DLG1: variants seen among roughly 807,000 people sequenced by gnomAD.
The protein encoded by DLG1 is disks large homolog 1.
DLG1 carries 42 observed loss-of-function variants against 123.4 expected under a neutral mutation model. The ratio of observed to expected loss-of-function variants is 0.34; its 90% CI spans 0.27 to 0.44. The LOEUF (loss-of-function observed/expected upper bound fraction) is 0.44, where lower values mean the gene tolerates loss of function less well. DLG1 is among the 20% of genes least tolerant of loss of function. The pLI, the probability that DLG1 is intolerant of heterozygous loss-of-function variation, is 1.00. For synonymous variants in DLG1, 317 were observed against 356.2 expected (o/e 0.89, Z 1.24); for missense variants, 942 against 1,082.6 (o/e 0.87, Z 1.82).
intron 4 of DLG1, among the ~76,000 whole-genome samples, chr3:197,210,614 C>T (rs1730825371): frequency 7.0e-6 from 1 of 142,136 alleles, no homozygotes; most frequent in Admixed American, 7.1e-5. Flanking sequence ...TGTGAGTGGC[C>T]TCTCAAATTT....
intron 17 of DLG1, among the ~76,000 whole-genome samples, chr3:197,077,611 C>T (rs1352476898): frequency 1.3e-5 from 2 of 152,180 alleles, no homozygotes; most frequent in South Asian, 2.1e-4. Flanking sequence ...AATTAAGATT[C>T]TAACAGTTTA....
intron 4 of DLG1, among the ~76,000 whole-genome samples, chr3:197,244,443 A>T (rs1750582196): frequency 6.6e-6 from 1 of 152,004 alleles, no homozygotes; most frequent in African/African-American, 2.4e-5. Context: ...TCAGCCAGGC[A>T]TTTGCATCTC....
chr3:197,046,884 G>GACAAAAAACAAAACGAA (rs146769096), intron 24 of DLG1, among the ~76,000 whole-genome samples: 7 of 150,802 alleles, frequency 4.6e-5, no homozygotes, highest in African/African-American at 7.3e-5. Flanking sequence ...AAAAACAAAA[G>GACAAAAAACAAAACGAA]ACAAAAAACA....
chr3:197,256,008 A>G (rs575746514), intron 4 of DLG1, among the ~76,000 whole-genome samples: 1 of 152,304 alleles, frequency 6.6e-6, no homozygotes, highest in African/African-American at 2.4e-5. Context: ...AATAAACAAG[A>G]ATCTTTGGGA....
At chr3:197,284,739 T>C (rs1297086769) in intron 3 of DLG1, among the ~76,000 whole-genome samples, 2 of 152,112 alleles carry the variant, frequency 1.3e-5, no homozygotes, top group African/African-American at 2.4e-5. Flanking sequence ...AATACTAAAA[T>C]ATGTATTAGG....
intron 24 of DLG1, among the ~76,000 whole-genome samples, chr3:197,050,616 TA>T (rs1054566510): frequency 4.6e-5 from 7 of 152,164 alleles, no homozygotes; most frequent in Non-Finnish European, 1.0e-4. Flanking sequence ...ACGTGGAATC[TA>T]AAAAAGTAGA....
chr3:197,232,851 T>C (rs111650938), intron 4 of DLG1, among the ~76,000 whole-genome samples: 14 of 152,066 alleles, frequency 9.2e-5, no homozygotes, highest in African/African-American at 3.4e-4. Flanking sequence ...CAACTATTCA[T>C]GATAAGGGGC....
At chr3:197,279,633 A>C (rs935808338) in intron 4 of DLG1, among the ~76,000 whole-genome samples, 1 of 152,144 alleles carries the variant, frequency 6.6e-6, no homozygotes, top group Admixed American at 6.6e-5. Context: ...AGGTGCCTTT[A>C]CCATGTTCAT....
chr3:197,148,886 A>G (rs1792478073), intron 6 of DLG1, among the ~76,000 whole-genome samples: 1 of 152,230 alleles, frequency 6.6e-6, no homozygotes, highest in African/African-American at 2.4e-5. Flanking sequence ...CTTAAACTTC[A>G]ACAAAAATGT....
In DLG1 at chr3:197,064,525, C is replaced by T. The variant is rs151322926; in HGVS notation, c.2373+751G>A. Among the ~76,000 whole-genome samples the T allele has an allele frequency of 1.2e-4, 18 of 152,216 alleles. 1 individual carries two copies. The East Asian group carries it at 3.3e-3, about 28-fold the overall frequency. On this transcript the variant is annotated intron_variant, in intron 22 of 24. Transcript: ENST00000667157. ...TTCTTTAATAATGACTACAGTTGAACGTCATTTCCTATGTACAAAGGCCAT... is the reference window on the plus strand; with the variant it reads ...TTCTTTAATAATGACTACAGTTGAATGTCATTTCCTATGTACAAAGGCCAT...
intron 18 of DLG1, 179 bp from the exon 19 acceptor site, chr3:197,069,439 C>G (rs1188721707): frequency 1.6e-5 from 7 of 427,650 alleles, no homozygotes; most frequent in African/African-American, 1.2e-4. Context: ...CAAAGGAAAA[C>G]TCCTGTAATT....
intron 3 of DLG1, among the ~76,000 whole-genome samples, chr3:197,286,976 A>G (rs1772171577): frequency 6.6e-6 from 1 of 151,696 alleles, no homozygotes; most frequent in African/African-American, 2.4e-5. Context: ...GGGCTCAACA[A>G]ATCCTCCTAC....
chr3:197,249,298 T>C (rs58651960), intron 4 of DLG1, among the ~76,000 whole-genome samples: 1,621 of 152,090 alleles, frequency 0.011, 24 homozygotes, highest in African/African-American at 0.037. Flanking sequence ...ATTTAAAAAC[T>C]AGAAGAAATG....
chr3:197,206,280 A>G (rs1728480793), intron 4 of DLG1, among the ~76,000 whole-genome samples: 1 of 152,190 alleles, frequency 6.6e-6, no homozygotes, highest in Non-Finnish European at 1.5e-5. Flanking sequence ...GATTTTAAAA[A>G]TAACTCTTAA....
At chr3:197,216,303 CTT>C (rs1734089560) in intron 4 of DLG1, among the ~76,000 whole-genome samples, 1 of 152,064 alleles carries the variant, frequency 6.6e-6, no homozygotes, top group Admixed American at 6.6e-5. Context: ...AAAATTTTAA[CTT>C]TTGGCCTGCG....
chr3:197,065,250 T>C, intron 22 of DLG1, 26 bp downstream of exon 22: 2 of 1,574,860 alleles, frequency 1.3e-6, no homozygotes, highest in Non-Finnish European at 1.7e-6. Flanking sequence ...TTAGAAGCTA[T>C]ATTCTGGGAT....
chr3:197,172,415 C>T (rs577284284), intron 5 of DLG1, among the ~76,000 whole-genome samples: 75 of 152,210 alleles, frequency 4.9e-4, no homozygotes, highest in Admixed American at 1.4e-3. Context: ...CATTAACTGA[C>T]ATGTGACTGC....
At chr3:197,197,023 T>C (rs1722900744) in intron 4 of DLG1, among the ~76,000 whole-genome samples, 1 of 152,184 alleles carries the variant, frequency 6.6e-6, no homozygotes, top group African/African-American at 2.4e-5. Context: ...TTGAAAGAAA[T>C]AATTTTAAAA....
chr3:197,291,300 TACAC>T (rs33920543), intron 3 of DLG1, among the ~76,000 whole-genome samples: 8,437 of 143,196 alleles, frequency 0.059, 421 homozygotes, highest in African/African-American at 0.15. Flanking sequence ...CCTACAAAGT[TACAC>T]ACACACACAC....
Sources: gnomAD v4.1 joint callset for allele counts (sites outside exome capture counted in the v4.1 genomes callset) on GRCh38, gnomAD v4.1.1 for gene constraint, MANE v1.5 for transcripts, NCBI Gene and HGNC (gene_info 2026-07-23, HGNC 2026-07-21) for gene names.